The following MTUS2 variants were observed in gnomAD, a reference collection of about 807,000 sequenced individuals.
MTUS2 encodes microtubule-associated tumor suppressor candidate 2.
A neutral mutation model predicts 114.1 loss-of-function variants in MTUS2; 40 were observed. The observed-to-expected ratio is 0.35, with a 90% CI of 0.27 to 0.46. MTUS2 has a LOEUF of 0.46. MTUS2 is among the 20% of genes least tolerant of loss of function. MTUS2 has a pLI of 1.00. For synonymous variants in MTUS2, 688 were observed against 672.0 expected (o/e 1.02, Z -0.37); for missense variants, 1,679 against 1,705.4 (o/e 0.98, Z 0.27).
At chr13:29,258,095 T>G (rs1897339730) in intron 5 of MTUS2, among the ~76,000 whole-genome samples, 1 of 152,198 alleles carries the variant, frequency 6.6e-6, no homozygotes. Context: ...ATTGAGTAGC[T>G]CACATGCAGA....
intron 8 of MTUS2, among the ~76,000 whole-genome samples, chr13:29,391,220 G>A (rs528735279): frequency 1.1e-4 from 16 of 152,278 alleles, no homozygotes; most frequent in African/African-American, 3.6e-4. Context: ...CTCCCAAGTA[G>A]CTGGGATTAC....
intron 2 of MTUS2, among the ~76,000 whole-genome samples, chr13:28,886,539 A>G (rs189746173): frequency 6.6e-6 from 1 of 152,072 alleles, no homozygotes; most frequent in African/African-American, 2.4e-5. Context: ...AGGGAAAGAG[A>G]TGAAGTTGTG....
At chr13:29,004,218 A>ATGCG (rs898415112) in intron 2 of MTUS2, among the ~76,000 whole-genome samples, 1 of 152,034 alleles carries the variant, frequency 6.6e-6, no homozygotes. Flanking sequence ...GCATGCATGC[A>ATGCG]TGTACATGCA....
intron 5 of MTUS2, among the ~76,000 whole-genome samples, chr13:29,136,638 A>C (rs776789312): frequency 7.2e-5 from 11 of 152,210 alleles, no homozygotes; most frequent in Non-Finnish European, 1.3e-4. Flanking sequence ...AGCTGAACAC[A>C]TGGAGATGCC....
chr13:29,181,790 G>T (rs1474207058), intron 5 of MTUS2, among the ~76,000 whole-genome samples: 1 of 9,784 alleles, frequency 1.0e-4, no homozygotes, highest in Non-Finnish European at 2.9e-4. Context: ...ATATACTACT[G>T]TGTGTGTGTG....
At chr13:28,928,446 T>G (rs1881441362) in intron 2 of MTUS2, among the ~76,000 whole-genome samples, 1 of 152,122 alleles carries the variant, frequency 6.6e-6, no homozygotes, top group African/African-American at 2.4e-5. Flanking sequence ...GCAAAAAATC[T>G]AAATAGACAT....
At chr13:29,147,583 T>TTC (rs368959467) in intron 5 of MTUS2, among the ~76,000 whole-genome samples, 10 of 151,932 alleles carry the variant, frequency 6.6e-5, no homozygotes, top group African/African-American at 2.4e-4. Context: ...ACCATTTCCC[T>TTC]TCTCTCTCTC....
intron 5 of MTUS2, among the ~76,000 whole-genome samples, chr13:29,243,293 C>T (rs953957326): frequency 5.3e-5 from 8 of 152,162 alleles, no homozygotes; most frequent in African/African-American, 1.2e-4. Flanking sequence ...AGCCACTCCA[C>T]ACCCAGAAGA....
At chr13:29,400,692 C>A (rs540256550) in intron 8 of MTUS2, among the ~76,000 whole-genome samples, 32 of 152,256 alleles carry the variant, frequency 2.1e-4, no homozygotes, top group African/African-American at 7.5e-4. Context: ...CATTCCTATA[C>A]GTTTAGCAAA....
rs576034512 is a variant in MTUS2, at chr13:29,307,402, G to GC, written c.2807-17207dup. On this transcript the variant is annotated intron_variant, in intron 6 of 15. Coordinates refer to ENST00000612955, the MANE Select transcript of MTUS2 (RefSeq NM_001033602.4). ...TGGGGCTCTCCAGAACATCATCCCT[G>GC]CCCCTAGTGACGCTGCCAAGGCTGT... 1.4e-3 allele frequency: 1,478 copies of GC among 1,021,868 alleles called. 17 individuals are homozygous for GC. The African/African-American group carries it at 0.021, about 14-fold the overall frequency. 63.3% of individuals were successfully genotyped at this position (1,021,868 alleles called of 1,614,324 possible).
intron 8 of MTUS2, among the ~76,000 whole-genome samples, chr13:29,407,090 C>G (rs1251950892): frequency 6.6e-6 from 1 of 152,022 alleles, no homozygotes; most frequent in African/African-American, 2.4e-5. Context: ...ACTAAAAATA[C>G]AAAAAATTAG....
At chr13:29,444,299 G>T (rs1878117140) in intron 9 of MTUS2, among the ~76,000 whole-genome samples, 1 of 152,142 alleles carries the variant, frequency 6.6e-6, no homozygotes, top group African/African-American at 2.4e-5. Flanking sequence ...TGTGGTGGTG[G>T]GTGCCTGTAA....
At chr13:29,424,220 T>C (rs966223405) in intron 8 of MTUS2, among the ~76,000 whole-genome samples, 2 of 152,202 alleles carry the variant, frequency 1.3e-5, no homozygotes, top group Admixed American at 1.3e-4. Context: ...ATTTAGAATG[T>C]TCCCAACACA....
At position 29,072,418 on chromosome 13, in the gene MTUS2, G is replaced by T. The variant is rs184761704; in HGVS notation, c.2447-28355G>T. ...CTAGATTCTCTTAAATCCAGTCAAT[G>T]TTGTTGACCAGCATCTCTGAGGGTG... On this transcript the variant is annotated intron_variant, in intron 4 of 15. Coordinates refer to ENST00000612955, the MANE Select transcript of MTUS2 (RefSeq NM_001033602.4). Among the ~76,000 whole-genome samples the T allele has an allele frequency of 1.7e-3, 263 of 152,250 alleles. 2 individuals carry two copies. The South Asian group carries it at 0.021, about 12-fold the overall frequency.
At position 29,026,428 on chromosome 13, in the gene MTUS2, G is replaced by A. The variant is rs1886552378; in HGVS notation, c.1730G>A (p.Ser577Asn). 6.2e-7 allele frequency: 1 copy of A among 1,613,780 alleles called. No homozygotes were observed. Among genetic ancestry groups the A allele is most frequent in the African/African-American group, 1.3e-5 (1 of 74,872 alleles). The change falls in exon 3 of 16, where the codon AGT becomes AAT. Residue 577 changes from serine to asparagine, a missense_variant. Coordinates refer to ENST00000612955, the MANE Select transcript of MTUS2 (RefSeq NM_001033602.4). ...TTGGTAGTTCCACCCCCTACTGATA[G>A]TGCACGCTTGTTGAACACGTCCCCC... Reference protein sequence around the residue: ...SPLVVPPPTDSARLLNTSPKV... With the variant: ...SPLVVPPPTDNARLLNTSPKV...
chr13:29,223,625 C>T (rs1014100497), intron 5 of MTUS2, among the ~76,000 whole-genome samples: 2 of 152,198 alleles, frequency 1.3e-5, no homozygotes, highest in African/African-American at 4.8e-5. Context: ...TCTCCATGAG[C>T]CTCATTCTTC....
chr13:28,932,640 G>C (rs1048363123), intron 2 of MTUS2, among the ~76,000 whole-genome samples: 1 of 152,252 alleles, frequency 6.6e-6, no homozygotes, highest in East Asian at 1.9e-4. Context: ...CCTCAACCTG[G>C]AGCCCTGCAG....
chr13:29,393,737 G>T (rs1255899439), intron 8 of MTUS2, among the ~76,000 whole-genome samples: 1 of 152,184 alleles, frequency 6.6e-6, no homozygotes, highest in Non-Finnish European at 1.5e-5. Context: ...ATGTGCCCAA[G>T]ATAGTCCAAG....
rs553386435 is a variant in MTUS2 at position 29,427,090 on chromosome 13, A to G, written c.3118-12893A>G. Among the ~76,000 whole-genome samples the G allele has an allele frequency of 3.9e-5, 6 of 152,298 alleles. No individual in the cohort carries two copies. The South Asian group carries it at 1.2e-3, about 32-fold the overall frequency. ...GCAGGAAGGAGCTCTGGACCTCACA[A>G]CATCACAGAGCCCAGATGGGGGTCC... On this transcript the variant is annotated intron_variant, in intron 8 of 15. Coordinates refer to ENST00000612955, the MANE Select transcript of MTUS2 (RefSeq NM_001033602.4).
Sources: gnomAD v4.1 joint callset for allele counts (sites outside exome capture counted in the v4.1 genomes callset) on GRCh38, gnomAD v4.1.1 for gene constraint, MANE v1.5 for transcripts, NCBI Gene and HGNC (gene_info 2026-07-23, HGNC 2026-07-21) for gene names.